Variants in IMMP2L observed in about 807,000 individuals in gnomAD.
The protein encoded by IMMP2L is inner mitochondrial membrane peptidase subunit 2, also known as mitochondrial inner membrane protease subunit 2.
In IMMP2L, 18 loss-of-function variants were observed where a neutral mutation model predicts 19.3. The ratio of observed to expected loss-of-function variants is 0.93; its 90% CI spans 0.64 to 1.38. The LOEUF (loss-of-function observed/expected upper bound fraction) is 1.38, where lower values mean the gene tolerates loss of function less well. Among genes scored for constraint, IMMP2L ranks in the 40% most tolerant of loss-of-function variants. The pLI is 0.00. For synonymous variants in IMMP2L, 76 were observed against 73.0 expected, an observed-to-expected ratio of 1.04 and a Z score of -0.21; for missense variants, 233 against 218.2, an observed-to-expected ratio of 1.07 and a Z score of -0.43.
chr7:111,237,484 T>C (rs1026157439), intron 3 of IMMP2L, among the ~76,000 whole-genome samples: 7 of 152,142 alleles, frequency 4.6e-5, no homozygotes, highest in Admixed American at 3.9e-4. Context: ...ATATTTAACA[T>C]AGTATAACTA....
At chr7:111,277,835 A>G (rs1381629087) in intron 3 of IMMP2L, among the ~76,000 whole-genome samples, 2 of 152,176 alleles carry the variant, frequency 1.3e-5, no homozygotes, top group Non-Finnish European at 2.9e-5. Context: ...AATCGACCTA[A>G]GTGCCCATCA....
chr7:110,816,898 G>T (rs1446047163), intron 5 of IMMP2L, among the ~76,000 whole-genome samples: 2 of 152,118 alleles, frequency 1.3e-5, no homozygotes, highest in South Asian at 4.1e-4. Context: ...ATACGACACT[G>T]ATGGGTCTTG....
rs953197918 is a variant in IMMP2L at position 111,438,539 on chromosome 7, C to T, written c.239+48699G>A. Among the ~76,000 whole-genome samples the T allele has an allele frequency of 2.6e-5, 4 of 151,750 alleles. 1 individual carries two copies. Among genetic ancestry groups the T allele is most frequent in the African/African-American group, 9.7e-5 (4 of 41,104 alleles). ...CAAAGTTAAATGCTAGAACTGTTTC[C>T]TGGGAAATTTAATTCAAGGTAAACA... On this transcript the variant is annotated intron_variant, in intron 3 of 5. Transcript: ENST00000405709.
intron 3 of IMMP2L, among the ~76,000 whole-genome samples, chr7:111,004,107 T>C (rs559214442): frequency 6.6e-6 from 1 of 152,310 alleles, no homozygotes; most frequent in South Asian, 2.1e-4. Flanking sequence ...TAGATTTGAA[T>C]GCTTGGTTTC....
chr7:111,432,907 A>T (rs1215337298), intron 3 of IMMP2L, among the ~76,000 whole-genome samples: 1 of 151,140 alleles, frequency 6.6e-6, no homozygotes, highest in Non-Finnish European at 1.5e-5. Context: ...ACCAGTAACG[A>T]CCTAGCCAAG....
At position 111,213,125 on chromosome 7, in the gene IMMP2L, CCT is replaced by C. The variant is rs1401357483; in HGVS notation, c.240-249562_240-249561del. Among the ~76,000 whole-genome samples the C allele has an allele frequency of 7.9e-5, 12 of 152,256 alleles. No individual in the cohort carries two copies. The highest frequency in any genetic ancestry group is 7.2e-4 in the Admixed American group (11 of 15,292). The stretch of plus-strand genomic sequence containing the variant: ...CACTCTTGGAGGCCAGGAAAGGCCC[CCT>C]GTCTCTGCAGGCTCAGAGGTGCCTG... On this transcript the variant is annotated intron_variant, in intron 3 of 5. Coordinates refer to ENST00000405709, the MANE Select transcript of IMMP2L (RefSeq NM_032549.4). The surrounding 1 kb of genome is among the most constrained non-coding windows in gnomAD (Gnocchi z 4.8).
At chr7:111,399,261 G>A (rs374533430) in intron 3 of IMMP2L, among the ~76,000 whole-genome samples, 22 of 152,188 alleles carry the variant, frequency 1.4e-4, no homozygotes, top group East Asian at 3.9e-4. Context: ...TCAAAACAGC[G>A]TGGTACTGGT....
chr7:111,480,613 A>G (rs921736556), intron 3 of IMMP2L, among the ~76,000 whole-genome samples: 1 of 150,426 alleles, frequency 6.6e-6, no homozygotes, highest in African/African-American at 2.4e-5. Context: ...AAAAAAAAAA[A>G]AAAAAAAAAC....
intron 3 of IMMP2L, among the ~76,000 whole-genome samples, chr7:111,235,186 T>C (rs546427351): frequency 6.6e-6 from 1 of 152,114 alleles, no homozygotes; most frequent in African/African-American, 2.4e-5. Context: ...AATTCCACAT[T>C]GATGGCCTTG....
intron 3 of IMMP2L, among the ~76,000 whole-genome samples, chr7:111,093,954 GGTT>G (rs1281779340): frequency 6.6e-6 from 1 of 152,218 alleles, no homozygotes; most frequent in African/African-American, 2.4e-5. Flanking sequence ...TGGAGGTGGT[GGTT>G]GTTGTTGTTA....
Position 110,758,200 on chromosome 7 carries a change from A to T in IMMP2L, c.409-94479T>A, listed in dbSNP as rs1384907706. Among the ~76,000 whole-genome samples, 1 of 152,054 alleles carries T rather than the reference A, an allele frequency of 6.6e-6. No homozygotes were observed. Among genetic ancestry groups the T allele is most frequent in the Non-Finnish European group, 1.5e-5 (1 of 68,006 alleles). ...TTAGCCTCTTGGAGTCATTATTAACACTGAGAAGACTGGTTTCTGTACAGT... is the reference window on the plus strand; with the variant it reads ...TTAGCCTCTTGGAGTCATTATTAACTCTGAGAAGACTGGTTTCTGTACAGT... On this transcript the variant is annotated intron_variant, in intron 5 of 5. Coordinates refer to ENST00000405709, the MANE Select transcript of IMMP2L (RefSeq NM_032549.4). This position sits in a 1 kb window ranked among gnomAD's most constrained non-coding sequence, Gnocchi z 4.6.
chr7:111,402,292 T>C (rs1833494946), intron 3 of IMMP2L, among the ~76,000 whole-genome samples: 3 of 151,988 alleles, frequency 2.0e-5, no homozygotes, highest in South Asian at 2.1e-4. Flanking sequence ...GCCCAACTTG[T>C]ATTCCCAGCA....
intron 5 of IMMP2L, among the ~76,000 whole-genome samples, chr7:110,825,443 G>A (rs569705330): frequency 2.2e-4 from 34 of 151,982 alleles, no homozygotes; most frequent in East Asian, 3.9e-4. Flanking sequence ...ACTATACTAC[G>A]AGGCTACAGT....
intron 4 of IMMP2L, among the ~76,000 whole-genome samples, chr7:110,937,537 C>A (rs779828304): frequency 1.3e-5 from 2 of 152,124 alleles, no homozygotes; most frequent in East Asian, 1.9e-4. Context: ...TGGATGACTG[C>A]AGTCATTCTA....
At position 110,963,486 on chromosome 7, in the gene IMMP2L, C is replaced by T. The variant is rs774442907; in HGVS notation, c.305+14G>A. 2.1e-5 allele frequency: 32 copies of T among 1,559,436 alleles called. No homozygotes were observed. The South Asian group carries it at 3.2e-4, about 15-fold the overall frequency. On this transcript the variant is annotated intron_variant, in intron 4 of 5. Coordinates refer to ENST00000405709, the MANE Select transcript of IMMP2L (RefSeq NM_032549.4). Reference sequence around the variant, plus strand: ...ATTTAAAACTTGAACTCAGAAACAACAGTAAATACTTACCTGACAATATCT... The same window carrying T: ...ATTTAAAACTTGAACTCAGAAACAATAGTAAATACTTACCTGACAATATCT...
intron 4 of IMMP2L, chr7:110,962,819 A>G (rs931812018): frequency 2.2e-5 from 27 of 1,217,362 alleles, no homozygotes; most frequent in Non-Finnish European, 2.7e-5. Context: ...AACTTCCTCA[A>G]TGTAGTAGTC....
chr7:111,487,531 C>A (rs2132274562), intron 2 of IMMP2L, among the ~76,000 whole-genome samples, 190 bp from the exon 3 acceptor site: 1 of 151,796 alleles, frequency 6.6e-6, no homozygotes. Flanking sequence ...CACAGATGAA[C>A]CAGAAAAAAA....
chr7:110,732,877 C>G (rs1796365547), intron 5 of IMMP2L, among the ~76,000 whole-genome samples: 1 of 151,548 alleles, frequency 6.6e-6, no homozygotes, highest in African/African-American at 2.4e-5. Context: ...CCTCAAACTT[C>G]AGGGCTCAAG....
intron 5 of IMMP2L, among the ~76,000 whole-genome samples, chr7:110,801,271 A>C (rs989833720): frequency 1.3e-5 from 2 of 152,040 alleles, no homozygotes; most frequent in African/African-American, 2.4e-5. Context: ...CTTTAGAGGC[A>C]TGTTGCTGTT....
Sources: gnomAD v4.1 joint callset for allele counts (sites outside exome capture counted in the v4.1 genomes callset) on GRCh38, gnomAD v4.1.1 for gene constraint, Gnocchi (gnomAD v3.1) non-coding constraint, MANE v1.5 for transcripts, NCBI Gene and HGNC (gene_info 2026-07-23, HGNC 2026-07-21) for gene names.